NALCN: variants seen among roughly 807,000 people sequenced by gnomAD.
NALCN encodes sodium leak channel, non-selective, also known as sodium leak channel NALCN.
Under a neutral mutation model 225.3 loss-of-function variants are expected in NALCN, and 111 were observed. The ratio of observed to expected loss-of-function variants is 0.49; its 90% CI spans 0.42 to 0.58. NALCN has a LOEUF of 0.58. Ranked by LOEUF, NALCN falls within the 20% of genes least tolerant of loss-of-function variation. The pLI, the probability that NALCN is intolerant of heterozygous loss-of-function variation, is 0.00. For synonymous variants in NALCN, 764 were observed against 769.0 expected (o/e 0.99, Z 0.11); for missense variants, 1,378 against 2,202.4 (o/e 0.63, Z 7.49).
chr13:101,141,695 G>A (rs2037085501), intron 17 of NALCN, among the ~76,000 whole-genome samples: 1 of 151,822 alleles, frequency 6.6e-6, no homozygotes, highest in Admixed American at 6.6e-5. Context: ...AAAAAGGGGA[G>A]GCGAGATAAA....
chr13:101,093,104 C>T (rs2139565176), intron 28 of NALCN, among the ~76,000 whole-genome samples: 1 of 152,220 alleles, frequency 6.6e-6, no homozygotes, highest in Non-Finnish European at 1.5e-5. Context: ...TGCCATTTTC[C>T]TATATTCCAG....
rs559004014 is a variant in NALCN at position 101,238,679 on chromosome 13, A to G, written c.1267-757T>C. Among the ~76,000 whole-genome samples, 5 of 152,110 alleles carry G rather than the reference A, an allele frequency of 3.3e-5. No individual in the cohort carries two copies. In the South Asian group the frequency reaches 1.0e-3, roughly 32 times the overall value. ...AGCTGGAATTAAAATTTGCAATAGA[A>G]GATTAACTTCTAATTAAAGACTATG... On this transcript the variant is annotated intron_variant, in intron 11 of 43. Transcript: ENST00000251127.
chr13:101,097,322 A>C (rs550673355), intron 27 of NALCN, among the ~76,000 whole-genome samples: 1 of 152,194 alleles, frequency 6.6e-6, no homozygotes, highest in South Asian at 2.1e-4. Context: ...TCCATCGCCC[A>C]CTTTTTTCAG....
intron 10 of NALCN, among the ~76,000 whole-genome samples, chr13:101,259,491 G>A (rs1227351728): frequency 1.3e-5 from 2 of 151,290 alleles, no homozygotes; most frequent in African/African-American, 4.9e-5. Flanking sequence ...CCGCCACCAC[G>A]TCTGGCTAAT....
intron 30 of NALCN, among the ~76,000 whole-genome samples, chr13:101,087,713 G>A (rs2034004013): frequency 6.6e-6 from 1 of 152,146 alleles, no homozygotes; most frequent in Non-Finnish European, 1.5e-5. Flanking sequence ...GCTGGATGGA[G>A]ACCTCCCTGG....
At chr13:101,230,289 A>G (rs2041294247) in intron 12 of NALCN, among the ~76,000 whole-genome samples, 1 of 152,224 alleles carries the variant, frequency 6.6e-6, no homozygotes, top group South Asian at 2.1e-4. Context: ...ATATTTTCCT[A>G]GGTATTATTA....
At chr13:101,402,005 A>G (rs1310558073) in intron 1 of NALCN, among the ~76,000 whole-genome samples, 2 of 152,192 alleles carry the variant, frequency 1.3e-5, no homozygotes, top group Admixed American at 6.5e-5. Flanking sequence ...GCCTTCATTC[A>G]TGTTGAATCA....
At chr13:101,085,990 T>G (rs1484642150) in intron 30 of NALCN, among the ~76,000 whole-genome samples, 2 of 152,144 alleles carry the variant, frequency 1.3e-5, no homozygotes, top group Non-Finnish European at 2.9e-5. Context: ...GTTTTTTCTG[T>G]AAGTCTAATT....
chr13:101,274,890 T>C (rs1015236726), intron 10 of NALCN, among the ~76,000 whole-genome samples: 1 of 152,152 alleles, frequency 6.6e-6, no homozygotes, highest in Non-Finnish European at 1.5e-5. Context: ...CCACTTAGTA[T>C]GGCCAAAGAG....
intron 6 of NALCN, among the ~76,000 whole-genome samples, chr13:101,356,105 A>G (rs756885679): frequency 5.9e-5 from 9 of 152,202 alleles, no homozygotes; most frequent in African/African-American, 2.2e-4. Context: ...AAATATCTCA[A>G]ATGGATACCC....
At chr13:101,188,188 G>A (rs2039525857) in intron 14 of NALCN, among the ~76,000 whole-genome samples, 1 of 152,126 alleles carries the variant, frequency 6.6e-6, no homozygotes, top group African/African-American at 2.4e-5. Flanking sequence ...CACAGTCCGC[G>A]GAGTACCATA....
intron 15 of NALCN, among the ~76,000 whole-genome samples, chr13:101,149,364 A>C (rs2037524324): frequency 6.6e-6 from 1 of 152,174 alleles, no homozygotes; most frequent in African/African-American, 2.4e-5. Flanking sequence ...ATATCCTTGA[A>C]TATATTGTTT....
chr13:101,363,852 C>T (rs1411771754), intron 6 of NALCN, among the ~76,000 whole-genome samples: 1 of 152,000 alleles, frequency 6.6e-6, no homozygotes, highest in Non-Finnish European at 1.5e-5. Context: ...GGATTAATAA[C>T]CAGAATATAT....
rs1419965592 is a variant in NALCN at position 101,254,847 on chromosome 13, C to A, written c.1266+3596G>T. 2.3e-4 allele frequency among the ~76,000 whole-genome samples: 15 copies of A among 66,488 alleles called. 2 individuals are homozygous for A. Among genetic ancestry groups the A allele is most frequent in the African/African-American group, 5.8e-4 (14 of 23,956 alleles). The allele number at this position is 66,488 out of a possible 152,430, so 43.6% of individuals were successfully genotyped here. On this transcript the variant is annotated intron_variant, in intron 11 of 43. Transcript: ENST00000251127. ...CGGAGCTTGCAGTGAGCCGAGATCCCGCCACTGCACTCCAGCCTGGGCGAC... is the reference window on the plus strand; with the variant it reads ...CGGAGCTTGCAGTGAGCCGAGATCCAGCCACTGCACTCCAGCCTGGGCGAC...
At chr13:101,360,930 A>AT (rs1182709945) in intron 6 of NALCN, among the ~76,000 whole-genome samples, 1 of 152,134 alleles carries the variant, frequency 6.6e-6, no homozygotes, top group African/African-American at 2.4e-5. Flanking sequence ...CTCAAGGTCT[A>AT]TTTTTTTAAA....
intron 15 of NALCN, among the ~76,000 whole-genome samples, chr13:101,150,941 T>C (rs1268818729): frequency 1.3e-5 from 2 of 152,040 alleles, no homozygotes; most frequent in Non-Finnish European, 2.9e-5. Context: ...TAAAGAACAG[T>C]ACAAAGGAAG....
At chr13:101,064,286 A>C (rs1032092122) in intron 40 of NALCN, among the ~76,000 whole-genome samples, 1 of 152,130 alleles carries the variant, frequency 6.6e-6, no homozygotes, top group Non-Finnish European at 1.5e-5. Flanking sequence ...ATTAGTGAAA[A>C]TAAAGATGTA....
intron 34 of NALCN, 144 bp downstream of exon 34, chr13:101,081,383 C>T (rs2033641567): frequency 8.6e-7 from 1 of 1,166,756 alleles, no homozygotes; most frequent in Non-Finnish European, 1.2e-6. Context: ...GAGAGCCCAT[C>T]ACAGTCAAAG....
chr13:101,201,474 A>G (rs1306919907), intron 13 of NALCN, among the ~76,000 whole-genome samples: 1 of 152,200 alleles, frequency 6.6e-6, no homozygotes, highest in Admixed American at 6.5e-5. Context: ...TGTAGTATGC[A>G]TCGGAACTTC....
Sources: gnomAD v4.1 joint callset for allele counts (sites outside exome capture counted in the v4.1 genomes callset) on GRCh38, gnomAD v4.1.1 for gene constraint, MANE v1.5 for transcripts, NCBI Gene and HGNC (gene_info 2026-07-23, HGNC 2026-07-21) for gene names.